The following CNTNAP2 variants were observed in gnomAD, a reference collection of about 807,000 sequenced individuals.
CNTNAP2 encodes the protein contactin-associated protein-like 2.
Under a neutral mutation model 155.2 loss-of-function variants are expected in CNTNAP2, and 98 were observed. The ratio of observed to expected loss-of-function variants is 0.63; its 90% CI spans 0.54 to 0.75. The LOEUF (loss-of-function observed/expected upper bound fraction) is 0.75. Ranked by LOEUF, CNTNAP2 falls within the 30% of genes least tolerant of loss-of-function variation. The probability of loss-of-function intolerance (pLI) is 0.00; values close to 1 mark genes in which losing one functional copy is unlikely to be tolerated. For synonymous variants in CNTNAP2, 651 were observed against 631.2 expected (o/e 1.03, Z -0.47); for missense variants, 1,727 against 1,688.1 (o/e 1.02, Z -0.40).
chr7:146,161,023 C>T (rs982017876), intron 1 of CNTNAP2, among the ~76,000 whole-genome samples: 2 of 152,160 alleles, frequency 1.3e-5, no homozygotes, highest in African/African-American at 4.8e-5. Context: ...TTGGCTTCAT[C>T]CCTGGGATGC....
chr7:147,808,448 T>G (rs549519287), intron 13 of CNTNAP2, among the ~76,000 whole-genome samples: 1 of 152,308 alleles, frequency 6.6e-6, no homozygotes, highest in East Asian at 1.9e-4. Flanking sequence ...TCAAATTACC[T>G]TATTCTTTCT....
intron 1 of CNTNAP2, among the ~76,000 whole-genome samples, chr7:146,327,669 C>T (rs1224983229): frequency 2.6e-5 from 4 of 152,150 alleles, no homozygotes; most frequent in Admixed American, 2.0e-4. Context: ...TAAACTAGCT[C>T]ATCCTCAGTG....
chr7:148,415,598 A>G lies in CNTNAP2; in HGVS notation c.3978A>G (p.Lys1326=), dbSNP rs773856994. 1 of 1,614,182 alleles carries G rather than the reference A, an allele frequency of 6.2e-7. No homozygotes were observed. The highest frequency in any genetic ancestry group is 1.1e-5 in the South Asian group (1 of 91,086). Reference sequence around the variant, plus strand: ...TCACAGAGACCATTGATGAAAGCAAAAAGGAATGGCTCATTTGAGGGGTGG... The same window carrying G: ...TCACAGAGACCATTGATGAAAGCAAGAAGGAATGGCTCATTTGAGGGGTGG... ...PNFTETIDES[K]KEWLI Residue 1326 remains lysine, a synonymous_variant, in exon 24 of 24, where the codon AAA becomes AAG. Coordinates refer to ENST00000361727, the MANE Select transcript of CNTNAP2 (RefSeq NM_014141.6).
chr7:148,278,205 C>T (rs1269434664), intron 21 of CNTNAP2, among the ~76,000 whole-genome samples: 2 of 152,080 alleles, frequency 1.3e-5, no homozygotes, highest in Admixed American at 6.5e-5. Context: ...AATTAGGGGC[C>T]GCCAATGCCA....
chr7:147,109,897 A>G (rs1222391350), intron 5 of CNTNAP2, among the ~76,000 whole-genome samples: 1 of 14,472 alleles, frequency 6.9e-5, no homozygotes, highest in Non-Finnish European at 1.2e-4. Context: ...TGTTATTTGT[A>G]TTTATTTATT....
At chr7:146,340,533 AAG>A (rs1373366626) in intron 1 of CNTNAP2, among the ~76,000 whole-genome samples, 1 of 152,114 alleles carries the variant, frequency 6.6e-6, no homozygotes, top group Non-Finnish European at 1.5e-5. Flanking sequence ...AATATGTACC[AAG>A]TATTGCATGG....
intron 11 of CNTNAP2, among the ~76,000 whole-genome samples, chr7:147,522,805 C>T (rs558749702): frequency 9.0e-4 from 133 of 148,526 alleles, no homozygotes; most frequent in Non-Finnish European, 1.3e-3. Flanking sequence ...AAAAAACCTA[C>T]TAAAAAATAA....
At chr7:147,701,114 A>T (rs1796230638) in intron 13 of CNTNAP2, among the ~76,000 whole-genome samples, 1 of 152,164 alleles carries the variant, frequency 6.6e-6, no homozygotes, top group Non-Finnish European at 1.5e-5. Flanking sequence ...ATAACTCCTT[A>T]GAGATGCATT....
intron 8 of CNTNAP2, among the ~76,000 whole-genome samples, chr7:147,221,629 A>G (rs535371317): frequency 6.6e-6 from 1 of 152,190 alleles, no homozygotes; most frequent in Non-Finnish European, 1.5e-5. Flanking sequence ...GAAGAAACAG[A>G]AAAGAAGTTA....
At chr7:147,674,254 T>C (rs1057141729) in intron 13 of CNTNAP2, among the ~76,000 whole-genome samples, 8 of 152,188 alleles carry the variant, frequency 5.3e-5, no homozygotes, top group Non-Finnish European at 8.8e-5. Context: ...GAGGATATTC[T>C]TTATTGAAAA....
intron 1 of CNTNAP2, among the ~76,000 whole-genome samples, chr7:146,218,402 G>C (rs911870396): frequency 5.5e-4 from 84 of 152,090 alleles, no homozygotes; most frequent in Admixed American, 9.2e-4. Flanking sequence ...CCAGCTACTC[G>C]GGAGGCTGAG....
At chr7:147,268,247 G>C (rs912625576) in intron 8 of CNTNAP2, among the ~76,000 whole-genome samples, 25 of 130,692 alleles carry the variant, frequency 1.9e-4, no homozygotes, top group Admixed American at 6.1e-4. Context: ...ACACTCATTC[G>C]ACACTCATTC....
chr7:148,269,264 G>A (rs1276101494), intron 21 of CNTNAP2, among the ~76,000 whole-genome samples: 1 of 152,214 alleles, frequency 6.6e-6, no homozygotes, highest in Non-Finnish European at 1.5e-5. Flanking sequence ...TGTACGATAT[G>A]AAAGATAATT....
chr7:146,826,855 T>G (rs2727627), intron 2 of CNTNAP2, among the ~76,000 whole-genome samples: 59,046 of 139,348 alleles, frequency 0.42, 13,201 homozygotes, highest in Admixed American at 0.53. Context: ...TATATATATA[T>G]ATAGAGAGAG....
intron 21 of CNTNAP2, among the ~76,000 whole-genome samples, chr7:148,337,760 A>T (rs1328871814): frequency 6.6e-6 from 1 of 152,148 alleles, no homozygotes; most frequent in Admixed American, 6.5e-5. Context: ...TGTACATTGG[A>T]CTTTCGGGAC....
chr7:146,464,567 G>A (rs964595052), intron 1 of CNTNAP2, among the ~76,000 whole-genome samples: 14 of 152,044 alleles, frequency 9.2e-5, no homozygotes, highest in African/African-American at 3.4e-4. Flanking sequence ...TAAATACATA[G>A]TTGCACCTTC....
At chr7:147,758,875 T>C (rs1017544947) in intron 13 of CNTNAP2, among the ~76,000 whole-genome samples, 2 of 152,072 alleles carry the variant, frequency 1.3e-5, no homozygotes, top group African/African-American at 4.8e-5. Context: ...AATAAATAAA[T>C]AAAATTTTAC....
intron 13 of CNTNAP2, among the ~76,000 whole-genome samples, chr7:147,826,927 CA>C (rs1406843832): frequency 1.5e-5 from 2 of 137,392 alleles, no homozygotes; most frequent in Non-Finnish European, 3.1e-5. Context: ...AAGCTGAATA[CA>C]TTTTTTTTTT....
chr7:147,781,211 T>C (rs747428762), intron 13 of CNTNAP2, among the ~76,000 whole-genome samples: 7 of 152,180 alleles, frequency 4.6e-5, no homozygotes, highest in Non-Finnish European at 7.4e-5. Context: ...GAGGAGCTCT[T>C]TATGTTGCCT....
Sources: gnomAD v4.1 joint callset for allele counts (sites outside exome capture counted in the v4.1 genomes callset) on GRCh38, gnomAD v4.1.1 for gene constraint, MANE v1.5 for transcripts, NCBI Gene and HGNC (gene_info 2026-07-23, HGNC 2026-07-21) for gene names.